Variants in MACROD2 observed in about 807,000 individuals in gnomAD.
The protein encoded by MACROD2 is ADP-ribose glycohydrolase MACROD2.
In MACROD2, 36 loss-of-function variants were observed where a neutral mutation model predicts 70.4. The observed-to-expected ratio is 0.51, with a 90% CI of 0.39 to 0.68. MACROD2 has a LOEUF of 0.68. MACROD2 is among the 30% of genes least tolerant of loss of function. The pLI is 0.00. For synonymous variants in MACROD2, 172 were observed against 178.8 expected (o/e 0.96, Z 0.30); for missense variants, 496 against 538.4 (o/e 0.92, Z 0.78).
chr20:15,792,106 A>G (rs1487206997), intron 8 of MACROD2, among the ~76,000 whole-genome samples: 2 of 152,072 alleles, frequency 1.3e-5, no homozygotes, highest in Non-Finnish European at 2.9e-5. Context: ...CTCCAGATTC[A>G]GAGGTAATAC....
intron 5 of MACROD2, among the ~76,000 whole-genome samples, chr20:14,802,890 A>G (rs1374699633): frequency 6.6e-6 from 1 of 151,980 alleles, no homozygotes; most frequent in Non-Finnish European, 1.5e-5. Context: ...CTCATTTTTA[A>G]TGATAGTATT....
intron 3 of MACROD2, among the ~76,000 whole-genome samples, chr20:14,279,710 C>A (rs987701093): frequency 2.0e-5 from 3 of 152,100 alleles, no homozygotes; most frequent in Non-Finnish European, 4.4e-5. Flanking sequence ...TGTAACCTAT[C>A]TTTTCTTTTA....
chr20:14,984,941 G>T (rs113885813), intron 5 of MACROD2, among the ~76,000 whole-genome samples: 2 of 152,190 alleles, frequency 1.3e-5, no homozygotes, highest in Admixed American at 1.3e-4. Context: ...AAGAAGTGCA[G>T]TTCAAGGTTC....
chr20:14,331,498 C>T (rs750745896), intron 3 of MACROD2, among the ~76,000 whole-genome samples: 5 of 152,032 alleles, frequency 3.3e-5, no homozygotes, highest in Non-Finnish European at 7.4e-5. Flanking sequence ...AAATGTCATT[C>T]TCTTCTCCCC....
chr20:14,265,454 TAC>T (rs1426865045), intron 3 of MACROD2, among the ~76,000 whole-genome samples: 2 of 152,194 alleles, frequency 1.3e-5, no homozygotes, highest in Non-Finnish European at 2.9e-5. Context: ...TGACTCAATA[TAC>T]ACTCTTATCC....
chr20:15,147,749 CTG>C (rs1205296935), intron 5 of MACROD2, among the ~76,000 whole-genome samples: 2 of 151,966 alleles, frequency 1.3e-5, no homozygotes, highest in Non-Finnish European at 2.9e-5. Context: ...AGCAACAAGA[CTG>C]TTTATTTCAC....
At chr20:15,984,709 GA>G (rs1236400075) in intron 13 of MACROD2, among the ~76,000 whole-genome samples, 1 of 149,044 alleles carries the variant, frequency 6.7e-6, no homozygotes, top group Non-Finnish European at 1.5e-5. Flanking sequence ...CACAAGATTA[GA>G]AGTTACTATA....
chr20:14,653,077 A>G (rs571589018), intron 4 of MACROD2, among the ~76,000 whole-genome samples: 1 of 152,108 alleles, frequency 6.6e-6, no homozygotes, highest in African/African-American at 2.4e-5. Context: ...CATATAACTC[A>G]TATCACTCTG....
chr20:15,380,513 GATA>G (rs1231135817), intron 6 of MACROD2, among the ~76,000 whole-genome samples: 6 of 150,638 alleles, frequency 4.0e-5, no homozygotes, highest in Non-Finnish European at 5.9e-5. Context: ...TTAAAACAAA[GATA>G]ATAAATATGC....
At chr20:15,217,774 T>A (rs894709436) in intron 5 of MACROD2, among the ~76,000 whole-genome samples, 2 of 152,210 alleles carry the variant, frequency 1.3e-5, no homozygotes, top group African/African-American at 2.4e-5. Flanking sequence ...TTTTCAGGTT[T>A]TTTTTTCTTT....
At chr20:15,658,462 T>A (rs1388640027) in intron 8 of MACROD2, among the ~76,000 whole-genome samples, 2 of 152,170 alleles carry the variant, frequency 1.3e-5, no homozygotes, top group African/African-American at 4.8e-5. Context: ...CCTCATTGTT[T>A]GCAGGTCTGT....
intron 5 of MACROD2, among the ~76,000 whole-genome samples, chr20:14,955,288 T>C (rs1201578571): frequency 9.0e-6 from 1 of 111,032 alleles, no homozygotes. Flanking sequence ...ATATAGTTTA[T>C]ATAATATAAT....
intron 3 of MACROD2, among the ~76,000 whole-genome samples, chr20:14,492,857 A>C (rs1232669094): frequency 1.3e-5 from 2 of 152,150 alleles, no homozygotes; most frequent in African/African-American, 4.8e-5. Context: ...TTGTGAAAGA[A>C]ATCCAAATGG....
intron 6 of MACROD2, among the ~76,000 whole-genome samples, chr20:15,320,259 G>T (rs932254319): frequency 6.6e-6 from 1 of 152,064 alleles, no homozygotes. Flanking sequence ...GGGGGAAATA[G>T]CTAATGAAAT....
intron 4 of MACROD2, among the ~76,000 whole-genome samples, chr20:14,670,514 G>A (rs1414452882): frequency 3.3e-5 from 5 of 152,104 alleles, no homozygotes; most frequent in Middle Eastern, 3.4e-3. Flanking sequence ...ACAATGTTTC[G>A]TCAGATCAGA....
intron 5 of MACROD2, among the ~76,000 whole-genome samples, chr20:15,161,643 G>C (rs2076349299): frequency 6.6e-6 from 1 of 151,910 alleles, no homozygotes; most frequent in African/African-American, 2.4e-5. Flanking sequence ...ACACCATCTG[G>C]ATGCTGGTTC....
intron 5 of MACROD2, among the ~76,000 whole-genome samples, chr20:15,128,932 A>C (rs544220070): frequency 5.9e-5 from 9 of 152,064 alleles, no homozygotes; most frequent in Non-Finnish European, 1.3e-4. Context: ...CACCATTAGC[A>C]TAAATCATTT....
intron 3 of MACROD2, among the ~76,000 whole-genome samples, chr20:14,168,159 A>G (rs575259625): frequency 1.3e-5 from 2 of 152,334 alleles, no homozygotes; most frequent in South Asian, 4.1e-4. Flanking sequence ...AAGGAGTAAA[A>G]TGACATAGAG....
intron 8 of MACROD2, among the ~76,000 whole-genome samples, chr20:15,573,034 T>C (rs562114204): frequency 1.3e-5 from 2 of 152,192 alleles, no homozygotes; most frequent in South Asian, 2.1e-4. Flanking sequence ...AACAATATCA[T>C]TAAATAATAA....
Sources: allele counts gnomAD v4.1 joint callset (sites outside exome capture counted in the v4.1 genomes callset), GRCh38; gene constraint gnomAD v4.1.1; transcripts MANE v1.5; gene names NCBI Gene and HGNC (gene_info 2026-07-23, HGNC 2026-07-21).